PAH: variants seen among roughly 807,000 people sequenced by gnomAD.
PAH encodes the protein phenylalanine hydroxylase.
PAH carries 64 observed loss-of-function variants against 62.0 expected under a neutral mutation model. The ratio of observed to expected loss-of-function variants is 1.03; its 90% CI spans 0.84 to 1.27. The LOEUF (loss-of-function observed/expected upper bound fraction) is 1.27. Among genes scored for constraint, PAH ranks in the 50% most tolerant of loss-of-function variants. The pLI is 0.00. For missense variants in PAH, 579 were observed against 542.8 expected, an observed-to-expected ratio of 1.07 and a Z score of -0.66; for synonymous variants, 195 against 196.2, an observed-to-expected ratio of 0.99 and a Z score of 0.05.
At chr12:102,933,590 A>T (rs1375357088) in intron 1 of PAH, among the ~76,000 whole-genome samples, 1 of 152,098 alleles carries the variant, frequency 6.6e-6, no homozygotes, top group Non-Finnish European at 1.5e-5. Context: ...CATTCTCACC[A>T]ACAGCATACA....
At chr12:102,954,450 TTTAGACCTGGGC>T (rs1365717582), upstream of PAH, among the ~76,000 whole-genome samples, 3 of 152,162 alleles carry the variant, frequency 2.0e-5, no homozygotes, top group East Asian at 5.8e-4. Flanking sequence ...TCCCTTTCTC[TTTAGACCTGGGC>T]TAGAGTGCTC....
intron 1 of PAH, among the ~76,000 whole-genome samples, chr12:102,933,124 C>T (rs1227697877): frequency 6.6e-6 from 1 of 152,128 alleles, no homozygotes; most frequent in East Asian, 1.9e-4. Flanking sequence ...CTTTCACCAC[C>T]ACACTATCCT....
At chr12:102,884,961 T>G (rs1876969106) in intron 3 of PAH, among the ~76,000 whole-genome samples, 1 of 152,190 alleles carries the variant, frequency 6.6e-6, no homozygotes, top group Non-Finnish European at 1.5e-5. Flanking sequence ...GACAAAGTGA[T>G]TTGCTCAAGA....
At chr12:102,856,146 T>A (rs1001420008) in intron 5 of PAH, among the ~76,000 whole-genome samples, 2 of 150,824 alleles carry the variant, frequency 1.3e-5, no homozygotes, top group Non-Finnish European at 1.5e-5. Context: ...AATAAATATA[T>A]AAATCCATGC....
At chr12:102,891,427 C>G (rs1877269514) in intron 3 of PAH, among the ~76,000 whole-genome samples, 1 of 152,204 alleles carries the variant, frequency 6.6e-6, no homozygotes, top group Non-Finnish European at 1.5e-5. Context: ...CCTCTCAGGT[C>G]ATTTTCCAGT....
chr12:102,939,163 T>C (rs1202924086), intron 1 of PAH, among the ~76,000 whole-genome samples: 1 of 151,686 alleles, frequency 6.6e-6, no homozygotes, highest in East Asian at 2.0e-4. Context: ...CTATCCCACC[T>C]CCAGCTGAAC....
In PAH at chr12:102,867,928, GATGTATATATACATGTATA is replaced by G. The variant is rs1565854327; in HGVS notation, c.442-1284_442-1266del. Among the ~76,000 whole-genome samples, 383 of 118,120 alleles carry G rather than the reference GATGTATATATACATGTATA, an allele frequency of 3.2e-3. 5 individuals carry two copies. The highest frequency in any genetic ancestry group is 6.1e-3 in the Non-Finnish European group (327 of 53,376). The allele number at this position is 118,120 out of a possible 152,430, so 77.5% of individuals were successfully genotyped here. On this transcript the variant is annotated intron_variant, in intron 4 of 12. Coordinates refer to ENST00000553106, the MANE Select transcript of PAH (RefSeq NM_000277.3). ...ATATATACATGTATATACATATATA[GATGTATATATACATGTATA>G]TACATATATAGATGTATATATACAT...
chr12:102,877,742 A>C (rs1161475499), intron 3 of PAH, among the ~76,000 whole-genome samples, 192 bp from the exon 4 acceptor site: 1 of 152,220 alleles, frequency 6.6e-6, no homozygotes, highest in Non-Finnish European at 1.5e-5. Context: ...ACCCATTCCC[A>C]AATACATTCT....
rs1379932007 is a variant in PAH at position 102,957,142 on chromosome 12, G to A, written c.-96+1053C>T. 6.6e-6 allele frequency among the ~76,000 whole-genome samples: 1 copy of A among 152,098 alleles called. No homozygotes were observed. The highest frequency in any genetic ancestry group is 1.9e-4 in the East Asian group (1 of 5,190). On this transcript the variant is annotated intron_variant, in intron 1 of 4. Coordinates refer to the PAH transcript ENST00000551337. The surrounding 1 kb of genome is among the most constrained non-coding windows in gnomAD (Gnocchi z 4.1). ...AGGAACCCGAAGAGAATAACAGTGA[G>A]GAGAGAGAGAAAACAGGAAAAGTCG...
At chr12:102,954,155 T>A (rs547345501), upstream of PAH, among the ~76,000 whole-genome samples, 1 of 152,366 alleles carries the variant, frequency 6.6e-6, no homozygotes, top group African/African-American at 2.4e-5. Context: ...GCCCCTTGCA[T>A]GTGGAGGCCA....
intron 11 of PAH, among the ~76,000 whole-genome samples, chr12:102,842,644 G>C: frequency 6.6e-6 from 1 of 152,080 alleles, no homozygotes; most frequent in East Asian, 1.9e-4. Flanking sequence ...GATTTAGAAA[G>C]GAAGGACTAA....
At chr12:102,958,158 C>T in intron 1 of PAH, 1 of 1,057,336 alleles carries the variant, frequency 9.5e-7, no homozygotes, top group Non-Finnish European at 1.3e-6. Context: ...GTTCCTGCAC[C>T]CAAGTTCTCT....
At chr12:102,919,946 C>T (rs542721905), upstream of PAH, among the ~76,000 whole-genome samples, 1 of 152,220 alleles carries the variant, frequency 6.6e-6, no homozygotes, top group East Asian at 1.9e-4. Flanking sequence ...GATTTCCTTT[C>T]TTATAGGTAT....
rs1327844389 is a variant in PAH, at chr12:102,837,616, T to G, written c.*1559A>C. The G allele has an allele frequency of 6.6e-6, 1 of 152,218 alleles. No homozygotes were observed. The highest frequency in any genetic ancestry group is 1.5e-5 in the Non-Finnish European group (1 of 68,044). The allele number at this position is 152,218 out of a possible 1,614,324, so 9.4% of individuals were successfully genotyped here. Reference sequence around the variant, plus strand: ...CCAGCTGGCATATATAAGCAGGTATTGTAACACCCCATCAGTGGATCAGGC... The same window carrying G: ...CCAGCTGGCATATATAAGCAGGTATGGTAACACCCCATCAGTGGATCAGGC... On this transcript the variant is annotated 3_prime_UTR_variant, in exon 13 of 13. Transcript: ENST00000553106.
chr12:102,872,457 T>G (rs560361235), intron 4 of PAH, among the ~76,000 whole-genome samples: 34 of 152,338 alleles, frequency 2.2e-4, no homozygotes, highest in African/African-American at 8.2e-4. Flanking sequence ...GATAGAGCAA[T>G]TTAGTAAGAA....
At chr12:102,880,974 AATTAT>A (rs1876789991) in intron 3 of PAH, among the ~76,000 whole-genome samples, 1 of 150,128 alleles carries the variant, frequency 6.7e-6, no homozygotes, top group Non-Finnish European at 1.5e-5. Flanking sequence ...ATATTTACAT[AATTAT>A]ATTTGTATAT....
At chr12:102,891,531 A>G (rs1235357636) in intron 3 of PAH, among the ~76,000 whole-genome samples, 1 of 152,180 alleles carries the variant, frequency 6.6e-6, no homozygotes, top group African/African-American at 2.4e-5. Context: ...GATAATGGTA[A>G]GAATAGAGAA....
chr12:102,852,040 A>G (rs1406971123), intron 7 of PAH: 4 of 427,526 alleles, frequency 9.4e-6, no homozygotes, highest in Non-Finnish European at 1.7e-5. Context: ...AAGAGCTAAT[A>G]TTCCTGTGGA....
At chr12:102,909,377 G>T (rs1388785926) in intron 2 of PAH, among the ~76,000 whole-genome samples, 1 of 152,082 alleles carries the variant, frequency 6.6e-6, no homozygotes, top group Non-Finnish European at 1.5e-5. Flanking sequence ...CATCACTGAT[G>T]ATGTTAATTT....
Sources: allele counts gnomAD v4.1 joint callset (sites outside exome capture counted in the v4.1 genomes callset), GRCh38; gene constraint gnomAD v4.1.1; non-coding constraint Gnocchi (gnomAD v3.1); transcripts MANE v1.5; gene names NCBI Gene and HGNC (gene_info 2026-07-23, HGNC 2026-07-21).